Variants in MKS1 observed in about 807,000 individuals in gnomAD.
The protein encoded by MKS1 is MKS transition zone complex subunit 1, also known as tectonic-like complex member MKS1.
A neutral mutation model predicts 83.7 loss-of-function variants in MKS1; 70 were observed. That is an observed-to-expected ratio of 0.84 (90% CI 0.69 to 1.02). MKS1 has a LOEUF of 1.02. Ranked by LOEUF, MKS1 falls within the 50% of genes least tolerant of loss-of-function variation. The pLI, the probability that MKS1 is intolerant of heterozygous loss-of-function variation, is 0.00. For synonymous variants in MKS1, 251 were observed against 273.4 expected (o/e 0.92, Z 0.81); for missense variants, 681 against 726.9 (o/e 0.94, Z 0.73).
chr17:58,207,471 C>T (rs1968591595), intron 14 of MKS1: 1 of 581,734 alleles, frequency 1.7e-6, no homozygotes, highest in African/African-American at 1.9e-5. Context: ...GAAGCTCATT[C>T]TCCTCATCTA....
rs79952233 is a variant in MKS1, at chr17:58,217,529, C to T, written c.191-793G>A. 2.9e-3 allele frequency among the ~76,000 whole-genome samples: 443 copies of T among 152,308 alleles called. 1 individual carries two copies. Among genetic ancestry groups the T allele is most frequent in the Non-Finnish European group, 4.8e-3 (325 of 68,024 alleles). ...GATTTTTTAACAGAACCAAATCTGGCTGAATGCAGTGACTCACGCCTGTAA... is the reference window on the plus strand; with the variant it reads ...GATTTTTTAACAGAACCAAATCTGGTTGAATGCAGTGACTCACGCCTGTAA... On this transcript the variant is annotated intron_variant, in intron 2 of 17. Coordinates refer to ENST00000393119, the MANE Select transcript of MKS1 (RefSeq NM_017777.4).
chr17:58,214,408 G>T, intron 5 of MKS1, 21 bp from the exon 6 acceptor site: 1 of 1,612,456 alleles, frequency 6.2e-7, no homozygotes. Context: ...CCACAGAAAG[G>T]TCACTTCCCT....
At chr17:58,208,405 C>A (rs988768260) in intron 12 of MKS1, 108 bp downstream of exon 12, 2 of 1,333,330 alleles carry the variant, frequency 1.5e-6, no homozygotes, top group African/African-American at 2.9e-5. Context: ...AGTCACCCAA[C>A]TCTGGAATCC....
In MKS1 at chr17:58,213,810, A is replaced by G. The variant is rs557691735; in HGVS notation, c.704T>C (p.Val235Ala). 12 of 1,614,106 alleles carry G rather than the reference A, an allele frequency of 7.4e-6. No individual in the cohort carries two copies. The highest frequency in any genetic ancestry group is 1.0e-5 in the Non-Finnish European group (12 of 1,180,016). Residue 235 changes from valine to alanine, a missense_variant, in exon 7 of 18, where the codon GTG becomes GCG. By Grantham distance (64) the Val-to-Ala change is moderately conservative. Coordinates refer to ENST00000393119, the MANE Select transcript of MKS1 (RefSeq NM_017777.4). ...CGTGAAGTCAGGCTTTACTGTGATC[A>G]CACCATTGCTATCCACCTTCAGAGT... ...LCTLKVDSNGVITVKPDFTGL... is the reference protein window; with the variant it reads ...LCTLKVDSNGAITVKPDFTGL...
intron 2 of MKS1, among the ~76,000 whole-genome samples, 184 bp from the exon 3 acceptor site, chr17:58,216,920 G>C (rs1052929116): frequency 6.6e-6 from 1 of 152,196 alleles, no homozygotes; most frequent in Admixed American, 6.5e-5. Context: ...GTTAGTATGA[G>C]TAGAAGCCAA....
At position 58,209,089 on chromosome 17, in the gene MKS1, TG is replaced by T. The variant is rs769188792; in HGVS notation, c.1025-507del. Among the ~76,000 whole-genome samples the T allele has an allele frequency of 1.3e-5, 2 of 152,156 alleles. No individual in the cohort carries two copies. Among genetic ancestry groups the T allele is most frequent in the Non-Finnish European group, 2.9e-5 (2 of 68,028 alleles). ...TTTCTACACAGACACAGTAACAATC[TG>T]ATCTCTCTTTCTTTTCCCCACATTT... On this transcript the variant is annotated intron_variant, in intron 11 of 17. Transcript: ENST00000393119. The surrounding 1 kb of genome is among the most constrained non-coding windows in gnomAD (Gnocchi z 4.1).
intron 4 of MKS1, 158 bp from the exon 5 acceptor site, chr17:58,214,996 C>A: frequency 8.8e-7 from 1 of 1,141,576 alleles, no homozygotes; most frequent in Non-Finnish European, 1.2e-6. Context: ...GAGCAGTAGC[C>A]AAACAACCCA....
Position 58,209,670 on chromosome 17 carries a change from G to A in MKS1, c.1024+989C>T, listed in dbSNP as rs1968757222. 6.6e-6 allele frequency among the ~76,000 whole-genome samples: 1 copy of A among 152,222 alleles called. No homozygotes were observed. Among genetic ancestry groups the A allele is most frequent in the Non-Finnish European group, 1.5e-5 (1 of 68,038 alleles). On this transcript the variant is annotated intron_variant, in intron 11 of 17. Transcript: ENST00000393119. This position sits in a 1 kb window ranked among gnomAD's most constrained non-coding sequence, Gnocchi z 4.1. Reference sequence around the variant, plus strand: ...ACCTGGCTGGGAAGAATGACTGGAAGGTTGTATGGAAGAGATAGGCAGGGG... The same window carrying A: ...ACCTGGCTGGGAAGAATGACTGGAAAGTTGTATGGAAGAGATAGGCAGGGG...
intron 1 of MKS1, 26 bp downstream of exon 1, chr17:58,219,125 C>T: frequency 6.5e-7 from 1 of 1,550,196 alleles, no homozygotes. Context: ...AAGCATGGGG[C>T]CTCGGGGCTG....
intron 4 of MKS1, chr17:58,215,644 T>C (rs1232904155): frequency 5.1e-6 from 1 of 196,832 alleles, no homozygotes; most frequent in Admixed American, 5.3e-5. Context: ...ATTTTTGTCA[T>C]AGGCAAATTG....
chr17:58,218,473 A>AGCC, intron 2 of MKS1, 147 bp downstream of exon 2: 1 of 455,414 alleles, frequency 2.2e-6, no homozygotes, highest in Non-Finnish European at 4.0e-6. Context: ...AAAAAAAAAA[A>AGCC]AAAAAAAGCC....
At position 58,213,774 on chromosome 17, in the gene MKS1, CCTTT is replaced by C. The variant is rs781397982; in HGVS notation, c.736_739del (p.Lys246AspfsTer53). Reference sequence around the variant, plus strand: ...TTCTTCCTCTCCTCACCTGTAGGGTCCTTTGAGGCCCGTGAAGTCAGGCTTTACT... The same window carrying C: ...TTCTTCCTCTCCTCACCTGTAGGGTCGAGGCCCGTGAAGTCAGGCTTTACT... On this transcript the variant is annotated frameshift_variant, in exon 7 of 18. Coordinates refer to ENST00000393119, the MANE Select transcript of MKS1 (RefSeq NM_017777.4). LOFTEE classifies it high-confidence loss of function. 1 of 1,612,922 alleles carries C rather than the reference CCTTT, an allele frequency of 6.2e-7. No individual in the cohort carries two copies. Among genetic ancestry groups the C allele is most frequent in the South Asian group, 1.1e-5 (1 of 91,032 alleles).
chr17:58,208,607 G>A, intron 11 of MKS1, 24 bp from the exon 12 acceptor site: 2 of 1,609,622 alleles, frequency 1.2e-6, no homozygotes, highest in Non-Finnish European at 1.7e-6. Flanking sequence ...ACCAAATATA[G>A]TAAGCTCGCC....
chr17:58,218,656 T>C lies in MKS1; in HGVS notation c.154A>G (p.Ile52Val). Residue 52 changes from isoleucine (I) to valine (V), a missense_variant, in exon 2 of 18, where the codon ATA becomes GTA. This residue lies in a region of MKS1 where 365 missense variants were observed against 383.8 expected (regional missense o/e 0.95). Coordinates refer to ENST00000393119, the MANE Select transcript of MKS1 (RefSeq NM_017777.4). ...QPAAELGKDL[I>V]DLATFRPQPT... ...TGAGGCCTAAAAGTGGCCAAGTCTA[T>C]GAGGTCCTTCCCGAGCTCGGCAGCA... The C allele has an allele frequency of 1.2e-6, 2 of 1,613,850 alleles. No homozygotes were observed. Among genetic ancestry groups the C allele is most frequent in the Non-Finnish European group, 1.7e-6 (2 of 1,179,828 alleles).
At chr17:58,210,267 T>TA (rs1475804647) in intron 11 of MKS1, among the ~76,000 whole-genome samples, 1 of 152,058 alleles carries the variant, frequency 6.6e-6, no homozygotes, top group East Asian at 1.9e-4. Context: ...ATTTAAGCCA[T>TA]AGGATGGATG....
chr17:58,206,167 G>A lies in MKS1; in HGVS notation c.1592C>T (p.Ala531Val). ...CATGCGGCGCCGGGCTCGACGGAAG[G>A]CCTCTGTAAGGAAAGGAGATATGCT... ...QQSSIHNVLE[A>V]FRRARRRMQE... The change falls in exon 18 of 18, where the codon GCC becomes GTC. Residue 531 changes from alanine to valine, a missense_variant. By Grantham distance (64) the Ala-to-Val change is moderately conservative. Transcript: ENST00000393119. 1 of 1,614,044 alleles carries A rather than the reference G, an allele frequency of 6.2e-7. No homozygotes were observed. Among genetic ancestry groups the A allele is most frequent in the Admixed American group, 1.7e-5 (1 of 60,030 alleles).
chr17:58,214,744 C>T lies in MKS1; in HGVS notation c.512G>A (p.Gly171Glu). 1.2e-6 allele frequency: 2 copies of T among 1,605,594 alleles called. No individual in the cohort carries two copies. Among genetic ancestry groups the T allele is most frequent in the Non-Finnish European group, 1.7e-6 (2 of 1,179,640 alleles). The part of the protein sequence containing the change: ...NVRRRRQDRR[G>E]MEGGILKSRI... ...CCCATCCCATGCCCGCACTCACATC[C>T]CTCGCCTGTCCTGCCGGCGACGCCT... The change falls in exon 5 of 18, where the codon GGG (glycine) becomes GAG (glutamate). Residue 171 changes from glycine (G) to glutamate (E), a missense_variant. Around this residue, in one of 3 missense-constraint regions of MKS1, gnomAD observed 365 missense variants for 383.8 expected, o/e 0.95. Transcript: ENST00000393119.
At position 58,212,364 on chromosome 17, in the gene MKS1, G is replaced by A; in HGVS notation, c.915+14C>T. 1 of 1,614,054 alleles carries A rather than the reference G, an allele frequency of 6.2e-7. No homozygotes were observed. Among genetic ancestry groups the A allele is most frequent in the Non-Finnish European group, 8.5e-7 (1 of 1,179,962 alleles). Reference sequence around the variant, plus strand: ...AACACAGCTCACAGTGCTGCAGGAAGCCAAGCTACTCACCATCTCAAAGTC... The same window carrying A: ...AACACAGCTCACAGTGCTGCAGGAAACCAAGCTACTCACCATCTCAAAGTC... On this transcript the variant is annotated intron_variant, in intron 9 of 17. Coordinates refer to ENST00000393119, the MANE Select transcript of MKS1 (RefSeq NM_017777.4).
intron 9 of MKS1, 140 bp downstream of exon 9, chr17:58,212,238 T>C (rs1968916777): frequency 3.0e-6 from 3 of 987,712 alleles, no homozygotes; most frequent in South Asian, 2.6e-5. Context: ...TAACAAGGAC[T>C]ATATGTGCTA....
Sources: gnomAD v4.1 joint callset for allele counts (sites outside exome capture counted in the v4.1 genomes callset) on GRCh38, gnomAD v4.1.1 for gene constraint, gnomAD v4.1.1 regional missense constraint, Gnocchi (gnomAD v3.1) non-coding constraint, MANE v1.5 for transcripts, NCBI Gene and HGNC (gene_info 2026-07-23, HGNC 2026-07-21) for gene names.